Variants in PAK5 observed in about 807,000 individuals in gnomAD.
PAK5 encodes p21 (RAC1) activated kinase 5.
Under a neutral mutation model 65.9 loss-of-function variants are expected in PAK5, and 16 were observed. That is an observed-to-expected ratio of 0.24 (90% confidence interval 0.16 to 0.37). The LOEUF is 0.37. Among genes scored for constraint, PAK5 ranks in the 10% least tolerant of loss-of-function variants. The pLI, the probability that PAK5 is intolerant of heterozygous loss-of-function variation, is 1.00. For missense variants in PAK5, 785 were observed against 903.9 expected, an observed-to-expected ratio of 0.87 and a Z score of 1.69; for synonymous variants, 371 against 354.9, an observed-to-expected ratio of 1.05 and a Z score of -0.51.
intron 2 of PAK5, among the ~76,000 whole-genome samples, chr20:9,670,000 CTA>C (rs5840325): frequency 0.051 from 7,731 of 152,134 alleles, 217 homozygotes; most frequent in South Asian, 0.083. Flanking sequence ...CAATTCCCAC[CTA>C]TGAGTGAGAA....
intron 1 of PAK5, among the ~76,000 whole-genome samples, chr20:9,714,035 G>C (rs753749641): frequency 2.3e-4 from 35 of 151,956 alleles, no homozygotes; most frequent in Non-Finnish European, 4.4e-4. Context: ...ACAAAGAAAA[G>C]GTAAATGTTT....
chr20:9,780,458 A>T (rs1037793452), intron 1 of PAK5, among the ~76,000 whole-genome samples: 2 of 152,110 alleles, frequency 1.3e-5, no homozygotes, highest in African/African-American at 4.8e-5. Context: ...GCAAAATGTT[A>T]TCCATGTCTT....
intron 2 of PAK5, among the ~76,000 whole-genome samples, chr20:9,650,396 G>A (rs1424284733): frequency 6.6e-6 from 1 of 152,264 alleles, no homozygotes; most frequent in East Asian, 1.9e-4. Flanking sequence ...TTGGTTTCTA[G>A]GGGGATTTGA....
chr20:9,797,278 T>C (rs558112276), intron 1 of PAK5, among the ~76,000 whole-genome samples: 3 of 152,190 alleles, frequency 2.0e-5, no homozygotes, highest in Middle Eastern at 3.4e-3. Flanking sequence ...TCTTTGTAGA[T>C]TGTGGATATT....
chr20:9,682,791 G>T (rs192405622), intron 2 of PAK5, among the ~76,000 whole-genome samples: 1 of 152,320 alleles, frequency 6.6e-6, no homozygotes, highest in East Asian at 1.9e-4. Context: ...GATGGTCAAA[G>T]GAGGCAAGAG....
chr20:9,806,081 C>T (rs999769396), intron 1 of PAK5, among the ~76,000 whole-genome samples: 5 of 152,182 alleles, frequency 3.3e-5, no homozygotes, highest in Admixed American at 6.5e-5. Flanking sequence ...TCTTGTGCCT[C>T]AGCCTCCCAA....
chr20:9,746,837 A>C lies in PAK5; in HGVS notation c.-161-35402T>G, dbSNP rs189122984. 2.7e-3 allele frequency among the ~76,000 whole-genome samples: 414 copies of C among 152,320 alleles called. 2 individuals carry two copies. Among genetic ancestry groups the C allele is most frequent in the Middle Eastern group, 6.8e-3 (2 of 294 alleles). On this transcript the variant is annotated intron_variant, in intron 1 of 9. Transcript: ENST00000353224. The stretch of plus-strand genomic sequence containing the variant: ...GAATGCAAGAAATAACTAAAATCAG[A>C]GCAGAACTGAAGGAAATAGAGACAC...
intron 1 of PAK5, among the ~76,000 whole-genome samples, chr20:9,783,682 G>A (rs984214157): frequency 1.7e-4 from 26 of 152,270 alleles, no homozygotes; most frequent in Middle Eastern, 3.4e-3. Flanking sequence ...CAGGCTAAAA[G>A]TATGTGATAC....
At chr20:9,644,641 T>G (rs183972825) in intron 2 of PAK5, among the ~76,000 whole-genome samples, 479 of 152,218 alleles carry the variant, frequency 3.1e-3, no homozygotes, top group African/African-American at 9.5e-3. Context: ...AGGGCAGAAG[T>G]TTTTGAAGGC....
intron 1 of PAK5, among the ~76,000 whole-genome samples, chr20:9,713,510 T>A (rs2123493788): frequency 6.6e-6 from 1 of 152,236 alleles, no homozygotes; most frequent in South Asian, 2.1e-4. Context: ...ATCCCACTGC[T>A]GAGTATATAT....
intron 1 of PAK5, among the ~76,000 whole-genome samples, chr20:9,832,057 C>A (rs1376923632): frequency 6.6e-6 from 1 of 151,758 alleles, no homozygotes; most frequent in Non-Finnish European, 1.5e-5. Flanking sequence ...AATTTTAATA[C>A]CTATATAATA....
In PAK5 at chr20:9,668,293, CA is replaced by C. The variant is rs368286538; in HGVS notation, c.-11-23955del. 6.5e-3 allele frequency among the ~76,000 whole-genome samples: 991 copies of C among 152,186 alleles called. 7 individuals carry two copies. The highest frequency in any genetic ancestry group is 0.022 in the African/African-American group (929 of 41,522). On this transcript the variant is annotated intron_variant, in intron 2 of 9. Coordinates refer to ENST00000353224, the MANE Select transcript of PAK5 (RefSeq NM_177990.4). The stretch of plus-strand genomic sequence containing the variant: ...GTACATATCTATGTCTTTGTTTTTT[CA>C]GAGGAAATTTTGAGCCTAATGGAGT...
chr20:9,679,865 A>G (rs1301567871), intron 2 of PAK5, among the ~76,000 whole-genome samples: 2 of 152,232 alleles, frequency 1.3e-5, no homozygotes, highest in African/African-American at 4.8e-5. Flanking sequence ...CATCTCAGGA[A>G]TGCTGACATC....
chr20:9,624,875 A>C (rs1157303796), intron 3 of PAK5, among the ~76,000 whole-genome samples: 1 of 152,208 alleles, frequency 6.6e-6, no homozygotes, highest in Non-Finnish European at 1.5e-5. Context: ...TACATCCCAA[A>C]GTGAGTTCGC....
chr20:9,658,179 C>T (rs1354862448), intron 2 of PAK5, among the ~76,000 whole-genome samples: 1 of 152,232 alleles, frequency 6.6e-6, no homozygotes, highest in Non-Finnish European at 1.5e-5. Context: ...GCTTTGGCTG[C>T]ATATCACACC....
intron 2 of PAK5, among the ~76,000 whole-genome samples, chr20:9,681,644 G>A (rs1348961264): frequency 6.6e-6 from 1 of 151,998 alleles, no homozygotes; most frequent in Non-Finnish European, 1.5e-5. Context: ...CCTGTTCAAT[G>A]TAAGAGCCTT....
chr20:9,563,549 C>G (rs1304731150), intron 5 of PAK5, among the ~76,000 whole-genome samples: 6 of 152,070 alleles, frequency 3.9e-5, no homozygotes, highest in Non-Finnish European at 7.4e-5. Context: ...GATATTTGGG[C>G]TGAATTGAAA....
chr20:9,703,021 T>C (rs1017280738), intron 2 of PAK5, among the ~76,000 whole-genome samples: 1 of 152,170 alleles, frequency 6.6e-6, no homozygotes, highest in Non-Finnish European at 1.5e-5. Context: ...TGGGCCTTCT[T>C]AGTTAGAAAT....
intron 3 of PAK5, among the ~76,000 whole-genome samples, chr20:9,637,424 C>A (rs1163339180): frequency 6.6e-6 from 1 of 152,112 alleles, no homozygotes; most frequent in Non-Finnish European, 1.5e-5. Flanking sequence ...AAAAAGCAAA[C>A]TTTAATTTTG....
Sources: allele counts gnomAD v4.1 joint callset (sites outside exome capture counted in the v4.1 genomes callset), GRCh38; gene constraint gnomAD v4.1.1; transcripts MANE v1.5; gene names NCBI Gene and HGNC (gene_info 2026-07-23, HGNC 2026-07-21).